POPDC2: variants seen among roughly 807,000 people sequenced by gnomAD.
POPDC2 encodes the protein popeye domain-containing protein 2.
A neutral mutation model predicts 30.5 loss-of-function variants in POPDC2; 24 were observed. The observed-to-expected ratio is 0.79, with a 90% CI of 0.57 to 1.11. The LOEUF (loss-of-function observed/expected upper bound fraction) is 1.11, where lower values mean the gene tolerates loss of function less well. Among genes scored for constraint, POPDC2 ranks in the 50% least tolerant of loss-of-function variants. POPDC2 has a pLI of 0.00. For missense variants in POPDC2, 409 were observed against 447.0 expected (o/e 0.91, Z 0.77); for synonymous variants, 185 against 183.3 (o/e 1.01, Z -0.07).
Position 119,642,403 on chromosome 3 carries a change from A to C in POPDC2, c.*202T>G. The C allele has an allele frequency of 9.4e-7, 1 of 1,068,162 alleles. No homozygotes were observed. The highest frequency in any genetic ancestry group is 1.4e-6 in the Non-Finnish European group (1 of 693,420). The allele number at this position is 1,068,162 out of a possible 1,614,324, so 66.2% of individuals were successfully genotyped here. A position where few individuals can be genotyped will look rare whatever the true frequency, so the allele number is the denominator to read the frequency against. On this transcript the variant is annotated 3_prime_UTR_variant, in exon 4 of 4. Coordinates refer to ENST00000493094, the MANE Select transcript of POPDC2 (RefSeq NM_001369919.2). ...CCTTCCAGTGGGTGGGAAAAGAGGC[A>C]TGCCTATCAGTGGCCATTCTGTGAA... is the stretch of plus-strand genomic sequence containing the variant.
intron 2 of POPDC2, among the ~76,000 whole-genome samples, chr3:119,650,219 C>A (rs774264732): frequency 2.0e-5 from 3 of 152,140 alleles, no homozygotes; most frequent in Non-Finnish European, 4.4e-5. Context: ...GACTGTGAAC[C>A]TTCTTAGAAA....
At chr3:119,653,765 C>A (rs1356406721) in intron 2 of POPDC2, among the ~76,000 whole-genome samples, 1 of 152,238 alleles carries the variant, frequency 6.6e-6, no homozygotes, top group Non-Finnish European at 1.5e-5. Flanking sequence ...GCGTGAGCCA[C>A]CGCGCCCGGC....
At position 119,648,523 on chromosome 3, in the gene POPDC2, T is replaced by C. The variant is rs1318715446; in HGVS notation, c.746A>G (p.Asn249Ser). 4 of 1,613,944 alleles carry C rather than the reference T, an allele frequency of 2.5e-6. No individual in the cohort carries two copies. The highest frequency in any genetic ancestry group is 3.4e-6 in the Non-Finnish European group (4 of 1,179,994). Residue 249 changes from asparagine (N) to serine (S), a missense_variant, in exon 3 of 4, where the codon AAT becomes AGT. Transcript: ENST00000493094. ...CCCAAACTTAGCAAAGAGCTTGTCA[T>C]TGAGAGTGTAGAGCTTCTCTGAGAT... The part of the protein sequence containing the change: ...YDISEKLYTL[N>S]DKLFAKFGLR...
intron 2 of POPDC2, among the ~76,000 whole-genome samples, chr3:119,649,234 G>A (rs796174182): frequency 7.2e-5 from 11 of 152,220 alleles, no homozygotes; most frequent in African/African-American, 2.6e-4. Context: ...GAAATTGCTC[G>A]TAACTTGGCC....
intron 3 of POPDC2, among the ~76,000 whole-genome samples, chr3:119,647,314 A>G (rs979609296): frequency 4.0e-5 from 6 of 151,754 alleles, no homozygotes; most frequent in African/African-American, 1.4e-4. Flanking sequence ...AGAGAAAAAC[A>G]TCACAGTATT....
intron 1 of POPDC2, among the ~76,000 whole-genome samples, chr3:119,658,300 A>G (rs2052901213): frequency 6.6e-6 from 1 of 152,246 alleles, no homozygotes; most frequent in Non-Finnish European, 1.5e-5. Context: ...CAGGAAAAAA[A>G]AAAATCAAAA....
chr3:119,648,432 T>A lies in POPDC2; in HGVS notation c.837A>T (p.Gly279=). The change falls in exon 3 of 4, where the codon GGA becomes GGT. Residue 279 remains glycine, a synonymous_variant. Coordinates refer to ENST00000493094, the MANE Select transcript of POPDC2 (RefSeq NM_001369919.2). ...HVLGPTAADA[G]PESEKGDEEV... Reference sequence around the variant, plus strand: ...CCTCATCACCCTTCTCGGACTCTGGTCCAGCATCTGCAGCAGTGGGACCCA... The same window carrying A: ...CCTCATCACCCTTCTCGGACTCTGGACCAGCATCTGCAGCAGTGGGACCCA... 1 of 1,614,094 alleles carries A rather than the reference T, an allele frequency of 6.2e-7. No individual in the cohort carries two copies. The highest frequency in any genetic ancestry group is 8.5e-7 in the Non-Finnish European group (1 of 1,180,022).
At chr3:119,644,755 C>G (rs941727878) in intron 3 of POPDC2, among the ~76,000 whole-genome samples, 1 of 152,212 alleles carries the variant, frequency 6.6e-6, no homozygotes, top group Non-Finnish European at 1.5e-5. Flanking sequence ...ATGAGCTTAA[C>G]ATTTTGATAA....
intron 3 of POPDC2, chr3:119,643,364 T>A: frequency 6.5e-7 from 1 of 1,533,378 alleles, no homozygotes; most frequent in Non-Finnish European, 8.7e-7. Flanking sequence ...CTTTTTGCTG[T>A]ACCTTTTGTT....
At chr3:119,659,383 C>T (rs1391675332) in intron 1 of POPDC2, among the ~76,000 whole-genome samples, 2 of 152,216 alleles carry the variant, frequency 1.3e-5, no homozygotes, top group Non-Finnish European at 2.9e-5. Flanking sequence ...TGGCTACATA[C>T]AGCTACCCCA....
intron 2 of POPDC2, among the ~76,000 whole-genome samples, chr3:119,650,598 G>T (rs957140066): frequency 4.6e-5 from 7 of 152,138 alleles, no homozygotes; most frequent in Admixed American, 2.0e-4. Context: ...TCTCATGATT[G>T]TTCCTTTTCA....
chr3:119,648,138 G>A lies in POPDC2; in HGVS notation c.*24C>T. ...ACTTACATAGGATCCTGAGCCGGTG[G>A]CTGTGCCCATGTTAGTTCTCCCTTC... On this transcript the variant is annotated 3_prime_UTR_variant, in exon 3 of 4. Transcript: ENST00000493094. The A allele has an allele frequency of 6.7e-7, 1 of 1,481,486 alleles. No homozygotes were observed. The highest frequency in any genetic ancestry group is 2.5e-5 in the East Asian group (1 of 40,204). The allele number at this position is 1,481,486 out of a possible 1,614,324, so 91.8% of individuals were successfully genotyped here.
At chr3:119,657,897 T>G (rs1215381534) in intron 1 of POPDC2, among the ~76,000 whole-genome samples, 2 of 152,316 alleles carry the variant, frequency 1.3e-5, no homozygotes, top group Non-Finnish European at 2.9e-5. Flanking sequence ...GTTTTGAATT[T>G]TATATGAGAG....
chr3:119,656,701 CAG>C (rs1215268422), intron 1 of POPDC2, among the ~76,000 whole-genome samples: 1 of 152,190 alleles, frequency 6.6e-6, no homozygotes, highest in African/African-American at 2.4e-5. Flanking sequence ...CCAGAAAACT[CAG>C]AGTTTCATCT....
intron 1 of POPDC2, among the ~76,000 whole-genome samples, chr3:119,658,856 A>G (rs1213519039): frequency 6.6e-6 from 1 of 152,004 alleles, no homozygotes; most frequent in African/African-American, 2.4e-5. Flanking sequence ...TTGTAGTACC[A>G]TTAGCATCAT....
chr3:119,646,426 T>A (rs1194350715), intron 3 of POPDC2, among the ~76,000 whole-genome samples: 1 of 151,380 alleles, frequency 6.6e-6, no homozygotes, highest in African/African-American at 2.4e-5. Flanking sequence ...AGCCCAGGAG[T>A]TCGAGAACAA....
chr3:119,654,443 C>T (rs948354551), intron 2 of POPDC2, 62 bp downstream of exon 2: 18 of 1,121,598 alleles, frequency 1.6e-5, no homozygotes, highest in African/African-American at 3.1e-5. Flanking sequence ...CATGGAGGCA[C>T]GGATATTGCT....
chr3:119,654,699 C>T (rs1212483389), intron 1 of POPDC2, 86 bp from the exon 2 acceptor site: 1 of 926,772 alleles, frequency 1.1e-6, no homozygotes, highest in African/African-American at 1.6e-5. Flanking sequence ...CGCTGATTAA[C>T]ATGAATCTTC....
chr3:119,643,486 C>T, intron 3 of POPDC2: 1 of 1,303,230 alleles, frequency 7.7e-7, no homozygotes, highest in Non-Finnish European at 1.1e-6. Flanking sequence ...AGAGAGACTG[C>T]TAAACAATTG....
Sources: allele counts gnomAD v4.1 joint callset (sites outside exome capture counted in the v4.1 genomes callset), GRCh38; gene constraint gnomAD v4.1.1; transcripts MANE v1.5; gene names NCBI Gene and HGNC (gene_info 2026-07-23, HGNC 2026-07-21).